MANBA: variants seen among roughly 807,000 people sequenced by gnomAD.
The protein encoded by MANBA is beta-mannosidase.
In MANBA, 83 loss-of-function variants were observed where a neutral mutation model predicts 111.1. The observed-to-expected ratio is 0.75, with a 90% confidence interval of 0.63 to 0.90. The LOEUF (loss-of-function observed/expected upper bound fraction) is 0.90. Ranked by LOEUF, MANBA falls within the 40% of genes least tolerant of loss-of-function variation. The pLI, the probability that MANBA is intolerant of heterozygous loss-of-function variation, is 0.00. For synonymous variants in MANBA, 370 were observed against 378.7 expected (o/e 0.98, Z 0.27); for missense variants, 1,036 against 1,069.0 (o/e 0.97, Z 0.43).
intron 4 of MANBA, among the ~76,000 whole-genome samples, chr4:102,714,781 G>A (rs1041986425): frequency 2.6e-5 from 4 of 152,190 alleles, no homozygotes; most frequent in South Asian, 2.1e-4. Flanking sequence ...TCCTGAAGCC[G>A]ATCTCCTCTG....
intron 1 of MANBA, chr4:102,730,142 G>A (rs1722978139): frequency 8.3e-7 from 1 of 1,200,624 alleles, no homozygotes; most frequent in Non-Finnish European, 1.2e-6. Context: ...TGGACACCTT[G>A]TAGGACTTCT....
At chr4:102,702,526 T>C (rs994833837) in intron 5 of MANBA, among the ~76,000 whole-genome samples, 1 of 152,160 alleles carries the variant, frequency 6.6e-6, no homozygotes, top group Non-Finnish European at 1.5e-5. Context: ...GATGTACAGA[T>C]GGGTTTTTGG....
intron 4 of MANBA, among the ~76,000 whole-genome samples, chr4:102,715,004 T>C (rs1321616481): frequency 6.6e-6 from 1 of 152,162 alleles, no homozygotes; most frequent in Admixed American, 6.6e-5. Flanking sequence ...ACATATGAAT[T>C]TGGGGGGACC....
chr4:102,727,916 G>A, intron 1 of MANBA: 1 of 492,042 alleles, frequency 2.0e-6, no homozygotes, highest in East Asian at 4.4e-5. Context: ...AGAGAATGGA[G>A]GCCTCTTTGC....
chr4:102,632,328 G>C, intron 16 of MANBA, 47 bp from the exon 17 acceptor site: 76 of 1,337,014 alleles, frequency 5.7e-5, no homozygotes, highest in Middle Eastern at 1.8e-4. Context: ...TGAGGGAAGA[G>C]TTATATAGTC....
intron 16 of MANBA, among the ~76,000 whole-genome samples, chr4:102,633,771 A>G (rs1729492955): frequency 1.9e-5 from 2 of 103,710 alleles, no homozygotes; most frequent in Non-Finnish European, 2.0e-5. Flanking sequence ...TCCAGTACAT[A>G]GTGGTTTTTT....
chr4:102,760,406 C>A (rs1185612772), intron 1 of MANBA, among the ~76,000 whole-genome samples: 1 of 152,108 alleles, frequency 6.6e-6, no homozygotes, highest in Non-Finnish European at 1.5e-5. Flanking sequence ...TGACGGCATG[C>A]CCTTTGTATA....
intron 7 of MANBA, among the ~76,000 whole-genome samples, chr4:102,679,970 ATC>A (rs1731889459): frequency 1.3e-5 from 2 of 152,124 alleles, no homozygotes; most frequent in South Asian, 4.1e-4. Context: ...CTTCTGTAAA[ATC>A]AGAGAAAATG....
chr4:102,634,718 G>T, intron 16 of MANBA, 70 bp downstream of exon 16: 1 of 1,592,612 alleles, frequency 6.3e-7, no homozygotes, highest in Non-Finnish European at 8.6e-7. Context: ...AGGATGCAAG[G>T]AGCTGGCCCA....
intron 13 of MANBA, among the ~76,000 whole-genome samples, chr4:102,640,956 G>A (rs1166105115): frequency 6.6e-6 from 1 of 152,078 alleles, no homozygotes; most frequent in Non-Finnish European, 1.5e-5. Context: ...GAGAATGGTG[G>A]GCACCCCTGC....
intron 13 of MANBA, 51 bp downstream of exon 13, chr4:102,650,486 T>C: frequency 6.5e-7 from 1 of 1,534,724 alleles, no homozygotes; most frequent in East Asian, 2.3e-5. Flanking sequence ...CTACATAATC[T>C]CTTACATTAA....
chr4:102,636,133 G>A, intron 14 of MANBA, 126 bp from the exon 15 acceptor site: 1 of 809,774 alleles, frequency 1.2e-6, no homozygotes, highest in South Asian at 1.4e-5. Flanking sequence ...AGAGTCAACA[G>A]TGGAGGGCAC....
At chr4:102,718,993 G>A (rs893517416) in intron 4 of MANBA, among the ~76,000 whole-genome samples, 1 of 152,222 alleles carries the variant, frequency 6.6e-6, no homozygotes, top group Non-Finnish European at 1.5e-5. Context: ...GACAGTCTAT[G>A]TCCCGCTGTG....
intron 11 of MANBA, among the ~76,000 whole-genome samples, chr4:102,658,473 A>G (rs1346725937): frequency 6.6e-6 from 1 of 152,216 alleles, no homozygotes; most frequent in Non-Finnish European, 1.5e-5. Context: ...GTGACTTTAA[A>G]TCTCAAATCT....
intron 3 of MANBA, 83 bp downstream of exon 3, chr4:102,723,779 T>C (rs1357938716): frequency 1.3e-6 from 1 of 753,332 alleles, no homozygotes; most frequent in Admixed American, 2.3e-5. Flanking sequence ...TGGCCAATTA[T>C]GCATTTACTT....
At chr4:102,723,117 T>C in intron 3 of MANBA, 76 bp from the exon 4 acceptor site, 1 of 1,324,788 alleles carries the variant, frequency 7.5e-7, no homozygotes, top group Non-Finnish European at 1.1e-6. Context: ...ATAAAGGCAT[T>C]TTGTATGAAA....
chr4:102,666,521 C>G (rs1352102505), intron 10 of MANBA: 1 of 152,134 alleles, frequency 6.6e-6, no homozygotes, highest in Non-Finnish European at 1.5e-5. Context: ...TTTTCCCATG[C>G]TTAAGGTAAG....
In MANBA at chr4:102,722,933, C is replaced by A. The variant is rs779139021; in HGVS notation, c.487G>T (p.Val163Phe). Reference sequence around the variant, plus strand: ...ACAAGTGGAGGGCAGTCTGGGGGAACCTGGTAGCGAGTGTGAGCTTTGCTC... The same window carrying A: ...ACAAGTGGAGGGCAGTCTGGGGGAAACTGGTAGCGAGTGTGAGCTTTGCTC... ...QQSKAHTRYQ[V>F]PPDCPPLVQK... Residue 163 changes from valine to phenylalanine, a missense_variant, in exon 4 of 17, where the codon GTT becomes TTT. By Grantham distance (50) the Val-to-Phe change is conservative. Coordinates refer to ENST00000647097, the MANE Select transcript of MANBA (RefSeq NM_005908.4). The A allele has an allele frequency of 6.2e-7, 1 of 1,614,136 alleles. No homozygotes were observed. The highest frequency in any genetic ancestry group is 2.2e-5 in the East Asian group (1 of 44,880).
intron 12 of MANBA, 69 bp from the exon 13 acceptor site, chr4:102,650,770 G>T: frequency 8.0e-7 from 1 of 1,250,876 alleles, no homozygotes; most frequent in South Asian, 1.2e-5. Flanking sequence ...ATAAGTTCCT[G>T]ACAAACCTGG....
Sources: gnomAD v4.1 joint callset for allele counts (sites outside exome capture counted in the v4.1 genomes callset) on GRCh38, gnomAD v4.1.1 for gene constraint, MANE v1.5 for transcripts, NCBI Gene and HGNC (gene_info 2026-07-23, HGNC 2026-07-21) for gene names.